Variants in ECE1 observed in about 807,000 individuals in gnomAD.
The protein encoded by ECE1 is endothelin converting enzyme 1, also known as endothelin-converting enzyme 1.
ECE1 carries 35 observed loss-of-function variants against 98.6 expected under a neutral mutation model. The ratio of observed to expected loss-of-function variants is 0.35; its 90% CI spans 0.27 to 0.47. The LOEUF (loss-of-function observed/expected upper bound fraction) is 0.47, where lower values mean the gene tolerates loss of function less well. Among genes scored for constraint, ECE1 ranks in the 20% least tolerant of loss-of-function variants. The pLI is 1.00. For missense variants in ECE1, 814 were observed against 1,025.3 expected, an observed-to-expected ratio of 0.79 and a Z score of 2.81; for synonymous variants, 394 against 407.1, an observed-to-expected ratio of 0.97 and a Z score of 0.39.
intron 2 of ECE1, among the ~76,000 whole-genome samples, chr1:21,289,812 G>T (rs1163130601): frequency 6.6e-6 from 1 of 152,124 alleles, no homozygotes; most frequent in Non-Finnish European, 1.5e-5. Context: ...TCTGCCACCT[G>T]GGCTGTGGCC....
chr1:21,275,485 C>G (rs538170479), intron 3 of ECE1, among the ~76,000 whole-genome samples: 1 of 152,280 alleles, frequency 6.6e-6, no homozygotes, highest in East Asian at 1.9e-4. Flanking sequence ...ATCCCAGCTA[C>G]TTGGGAGGCT....
intron 6 of ECE1, 135 bp from the exon 7 acceptor site, chr1:21,257,725 G>C (rs1558392625): frequency 1.1e-6 from 1 of 924,326 alleles, no homozygotes; most frequent in East Asian, 2.6e-5. Flanking sequence ...AGGACTGCTG[G>C]CTACAGTCAC....
intron 1 of ECE1, among the ~76,000 whole-genome samples, chr1:21,316,045 T>C (rs1013035439): frequency 3.3e-5 from 5 of 152,226 alleles, no homozygotes; most frequent in Non-Finnish European, 4.4e-5. Flanking sequence ...GTTGAGTACC[T>C]GCCACAGTAG....
intron 1 of ECE1, among the ~76,000 whole-genome samples, chr1:21,336,183 C>A (rs904356069): frequency 5.3e-5 from 8 of 152,278 alleles, no homozygotes; most frequent in African/African-American, 1.2e-4. Context: ...GAGTTCAATA[C>A]CAGCCTTGGC....
intron 1 of ECE1, among the ~76,000 whole-genome samples, chr1:21,318,038 C>T (rs1638870723): frequency 6.6e-6 from 1 of 152,250 alleles, no homozygotes; most frequent in Non-Finnish European, 1.5e-5. Flanking sequence ...TTGAAGGTAT[C>T]AGACGGCATG....
At chr1:21,308,337 C>T (rs1486192336) in intron 1 of ECE1, among the ~76,000 whole-genome samples, 2 of 152,184 alleles carry the variant, frequency 1.3e-5, no homozygotes, top group Non-Finnish European at 2.9e-5. Context: ...ACCCTCCAGC[C>T]CCCACCCCGG....
At chr1:21,232,050 T>C (rs1221251117) in intron 14 of ECE1, among the ~76,000 whole-genome samples, 1 of 152,252 alleles carries the variant, frequency 6.6e-6, no homozygotes, top group African/African-American at 2.4e-5. Flanking sequence ...GCCTATGCCA[T>C]GTTCTGAAGG....
rs2098222604 is a variant in ECE1 at position 21,258,375 on chromosome 1, G to A, written c.762+318C>T. ...GATGGATTCAAACCCATTCCAAGAA[G>A]AGTTACAAAGAGCAGACGCTAAGGA... On this transcript the variant is annotated intron_variant, in intron 6 of 18. Coordinates refer to ENST00000374893, the MANE Select transcript of ECE1 (RefSeq NM_001397.3). This position sits in a 1 kb window ranked among gnomAD's most constrained non-coding sequence, Gnocchi z 4.2. Among the ~76,000 whole-genome samples, 1 of 152,204 alleles carries A rather than the reference G, an allele frequency of 6.6e-6. No individual in the cohort carries two copies. Among genetic ancestry groups the A allele is most frequent in the Non-Finnish European group, 1.5e-5 (1 of 68,048 alleles).
chr1:21,329,721 C>G (rs888581125), intron 1 of ECE1, among the ~76,000 whole-genome samples: 3 of 152,204 alleles, frequency 2.0e-5, no homozygotes, highest in Non-Finnish European at 2.9e-5. Context: ...AGGGTAGAAT[C>G]TGTGTACCCT....
Position 21,317,934 on chromosome 1 carries a change from A to G in ECE1, c.3+27442T>C, listed in dbSNP as rs184067328. 2.6e-5 allele frequency among the ~76,000 whole-genome samples: 4 copies of G among 152,312 alleles called. No homozygotes were observed. In the East Asian group the frequency reaches 5.8e-4, roughly 22 times the overall value. ...AATCCAGGCTCGGGGTGTGACCCCAATGTTCTTGAACTTAAATCAGAGCCA... is the reference window on the plus strand; with the variant it reads ...AATCCAGGCTCGGGGTGTGACCCCAGTGTTCTTGAACTTAAATCAGAGCCA... On this transcript the variant is annotated intron_variant, in intron 1 of 18. Transcript: ENST00000415912.
chr1:21,231,901 G>A (rs1343688140), intron 14 of ECE1, among the ~76,000 whole-genome samples: 1 of 152,220 alleles, frequency 6.6e-6, no homozygotes, highest in African/African-American at 2.4e-5. Flanking sequence ...GGCGTGGGCC[G>A]CTGTACCTGG....
intron 8 of ECE1, among the ~76,000 whole-genome samples, chr1:21,248,890 T>A (rs977020368): frequency 7.9e-5 from 12 of 151,808 alleles, no homozygotes; most frequent in African/African-American, 2.9e-4. Context: ...CCCAAAGGGC[T>A]GGGATTAACA....
intron 4 of ECE1, among the ~76,000 whole-genome samples, chr1:21,261,728 C>A (rs895684008): frequency 6.6e-6 from 1 of 152,160 alleles, no homozygotes; most frequent in Non-Finnish European, 1.5e-5. Context: ...GAACAACGCA[C>A]GTGGCTATGG....
Position 21,307,806 on chromosome 1 carries a change from G to C in ECE1, c.4-17650C>G, listed in dbSNP as rs985939374. Among the ~76,000 whole-genome samples the C allele has an allele frequency of 6.6e-6, 1 of 151,352 alleles. No individual in the cohort carries two copies. Among genetic ancestry groups the C allele is most frequent in the Middle Eastern group, 3.4e-3 (1 of 294 alleles). Reference sequence around the variant, plus strand: ...GACAGATAAGCCTCTATGAAAGGTGGCCAGGCACAGGAAAGAGGCCCTGCC... The same window carrying C: ...GACAGATAAGCCTCTATGAAAGGTGCCCAGGCACAGGAAAGAGGCCCTGCC... On this transcript the variant is annotated intron_variant, in intron 1 of 18. Transcript: ENST00000415912. The surrounding 1 kb of genome is among the most constrained non-coding windows in gnomAD (Gnocchi z 4.2).
chr1:21,335,483 C>A (rs533019677), intron 1 of ECE1, among the ~76,000 whole-genome samples: 54 of 152,314 alleles, frequency 3.5e-4, no homozygotes, highest in African/African-American at 1.3e-3. Flanking sequence ...GAGGACGCTG[C>A]AGCCCTGAGA....
At chr1:21,314,375 G>T (rs1558428872) in intron 1 of ECE1, among the ~76,000 whole-genome samples, 1 of 152,228 alleles carries the variant, frequency 6.6e-6, no homozygotes, top group Non-Finnish European at 1.5e-5. Flanking sequence ...TACAGCCTGA[G>T]CTCCTCCTCT....
rs2098221198 is a variant in ECE1 at position 21,257,393 on chromosome 1, C to A, written c.828+132G>T. 9 of 979,530 alleles carry A rather than the reference C, an allele frequency of 9.2e-6. No individual in the cohort carries two copies. In the South Asian group the frequency reaches 1.2e-4, roughly 14 times the overall value. The allele number at this position is 979,530 out of a possible 1,614,324, so 60.7% of individuals were successfully genotyped here. A position where few individuals can be genotyped will look rare whatever the true frequency, so the allele number is the denominator to read the frequency against. ...GGTGTCCCTCCCCTGCCAGGGTCTG[C>A]CTGTTTCACCCATCAGGTCACTGAC... On this transcript the variant is annotated intron_variant, in intron 7 of 18. Transcript: ENST00000374893.
intron 8 of ECE1, among the ~76,000 whole-genome samples, chr1:21,251,428 T>C (rs939890375): frequency 6.6e-6 from 1 of 152,040 alleles, no homozygotes; most frequent in African/African-American, 2.4e-5. Context: ...GGCATGAGAA[T>C]CACTTGAGCC....
upstream of ECE1, among the ~76,000 whole-genome samples, chr1:21,294,638 C>T (rs1239559626): frequency 2.0e-5 from 3 of 152,234 alleles, no homozygotes; most frequent in Non-Finnish European, 2.9e-5. The surrounding 1 kb of genome is among the most constrained non-coding windows in gnomAD (Gnocchi z 4.2). Flanking sequence ...AATATAAACA[C>T]GCACAGGTTT....
Sources: gnomAD v4.1 joint callset for allele counts (sites outside exome capture counted in the v4.1 genomes callset) on GRCh38, gnomAD v4.1.1 for gene constraint, Gnocchi (gnomAD v3.1) non-coding constraint, MANE v1.5 for transcripts, NCBI Gene and HGNC (gene_info 2026-07-23, HGNC 2026-07-21) for gene names.